The following NELL1 variants were observed in gnomAD, a reference collection of about 807,000 sequenced individuals.
NELL1 encodes neural EGFL like 1, also known as protein kinase C-binding protein NELL1.
Under a neutral mutation model 107.4 loss-of-function variants are expected in NELL1, and 76 were observed. The observed-to-expected ratio is 0.71, with a 90% CI of 0.59 to 0.86. The LOEUF (loss-of-function observed/expected upper bound fraction) is 0.86, where lower values mean the gene tolerates loss of function less well. Among genes scored for constraint, NELL1 ranks in the 40% least tolerant of loss-of-function variants. NELL1 has a pLI of 0.00. For missense variants in NELL1, 1,024 were observed against 1,005.5 expected (o/e 1.02, Z -0.25); for synonymous variants, 353 against 341.2 (o/e 1.03, Z -0.38).
At chr11:20,745,283 TAA>T (rs1310288076) in intron 2 of NELL1, among the ~76,000 whole-genome samples, 1 of 152,232 alleles carries the variant, frequency 6.6e-6, no homozygotes. Flanking sequence ...TTGAAAATTA[TAA>T]GTCTCACACA....
At chr11:21,456,458 ACTGT>A (rs1256859555) in intron 15 of NELL1, among the ~76,000 whole-genome samples, 1 of 151,910 alleles carries the variant, frequency 6.6e-6, no homozygotes, top group Non-Finnish European at 1.5e-5. Flanking sequence ...ACTATCATAC[ACTGT>A]CTGTTTTCTA....
intron 15 of NELL1, among the ~76,000 whole-genome samples, chr11:21,380,274 C>G (rs1428518241): frequency 6.6e-6 from 1 of 152,058 alleles, no homozygotes; most frequent in Admixed American, 6.6e-5. Context: ...TGAGGTTTCT[C>G]TGCATTGCCC....
At chr11:20,959,575 C>G (rs1234506128) in intron 11 of NELL1, among the ~76,000 whole-genome samples, 1 of 152,080 alleles carries the variant, frequency 6.6e-6, no homozygotes, top group Non-Finnish European at 1.5e-5. Context: ...GAATAGAAAA[C>G]CAACCCTCAT....
chr11:20,784,178 A>G (rs547642093), intron 3 of NELL1, among the ~76,000 whole-genome samples: 1 of 152,242 alleles, frequency 6.6e-6, no homozygotes, highest in Admixed American at 6.5e-5. Flanking sequence ...TATACTTGAC[A>G]CTGGGAATAT....
intron 2 of NELL1, among the ~76,000 whole-genome samples, chr11:20,739,130 C>T (rs892378271): frequency 1.3e-5 from 2 of 152,228 alleles, no homozygotes; most frequent in Admixed American, 1.3e-4. Context: ...CTGTGTTGGA[C>T]AGCACAGCTG....
intron 14 of NELL1, chr11:21,284,023 T>C: frequency 2.8e-6 from 1 of 361,424 alleles, no homozygotes. Flanking sequence ...GACATGTGTG[T>C]GTGCCTGTGG....
intron 2 of NELL1, among the ~76,000 whole-genome samples, chr11:20,686,049 C>T (rs936289861): frequency 6.6e-6 from 1 of 151,798 alleles, no homozygotes; most frequent in Admixed American, 6.6e-5. Context: ...TCAATGACTA[C>T]ATATGGGAAA....
intron 17 of NELL1, among the ~76,000 whole-genome samples, chr11:21,568,722 C>T (rs75938396): frequency 0.043 from 6,525 of 151,716 alleles, 442 homozygotes; most frequent in African/African-American, 0.15. Flanking sequence ...ATATCACTGT[C>T]TTTCACCTCC....
chr11:21,388,125 T>C (rs1851789281), intron 15 of NELL1, among the ~76,000 whole-genome samples: 1 of 151,606 alleles, frequency 6.6e-6, no homozygotes, highest in Non-Finnish European at 1.5e-5. Context: ...GCCTTCCTTC[T>C]ACAGAGGTGT....
Position 21,435,481 on chromosome 11 carries a change from CGTTTTTT to C in NELL1, c.1645+64555_1645+64561del, listed in dbSNP as rs1214984661. ...ACCATGAAGAGATGTTAGCTTTTAT[CGTTTTTT>C]GTTTTTTGTTTTTTGTTTTTTTTTA... On this transcript the variant is annotated intron_variant, in intron 15 of 19. Transcript: ENST00000357134. 2.2e-3 allele frequency among the ~76,000 whole-genome samples: 298 copies of C among 132,614 alleles called. 1 individual carries two copies. Among genetic ancestry groups the C allele is most frequent in the African/African-American group, 6.4e-3 (229 of 35,990 alleles). The allele number at this position is 132,614 out of a possible 152,430, so 87.0% of individuals were successfully genotyped here.
chr11:20,868,225 C>T (rs1849130515), intron 4 of NELL1, among the ~76,000 whole-genome samples: 1 of 152,150 alleles, frequency 6.6e-6, no homozygotes, highest in African/African-American at 2.4e-5. Flanking sequence ...GATTGAAACC[C>T]AGACCTCCAT....
rs552406821 is a variant in NELL1 at position 21,185,455 on chromosome 11, C to A, written c.1427-43877C>A. ...GATTACAGGTGCCCGCCACCACACC[C>A]GGCTAATTTTTGTATATTTAGTAGA... is the stretch of plus-strand genomic sequence containing the variant. On this transcript the variant is annotated intron_variant, in intron 13 of 19. Coordinates refer to ENST00000357134, the MANE Select transcript of NELL1 (RefSeq NM_006157.5). Among the ~76,000 whole-genome samples the A allele has an allele frequency of 2.6e-5, 4 of 151,592 alleles. No individual in the cohort carries two copies. The East Asian group carries it at 7.8e-4, about 29-fold the overall frequency.
chr11:20,891,548 A>G (rs1849616962), intron 5 of NELL1, among the ~76,000 whole-genome samples: 1 of 152,210 alleles, frequency 6.6e-6, no homozygotes, highest in Non-Finnish European at 1.5e-5. Context: ...AAGTGCCCCA[A>G]TTAAAAGACA....
intron 12 of NELL1, among the ~76,000 whole-genome samples, chr11:21,023,268 C>G (rs1852742486): frequency 6.6e-6 from 1 of 151,944 alleles, no homozygotes; most frequent in Non-Finnish European, 1.5e-5. Flanking sequence ...TCCTTTGAAC[C>G]TTAGTTTTCT....
intron 10 of NELL1, 21 bp downstream of exon 10, chr11:20,937,880 C>A (rs759951255): frequency 6.2e-7 from 1 of 1,609,042 alleles, no homozygotes; most frequent in Non-Finnish European, 8.5e-7. Context: ...ATTTTATGGT[C>A]CCTATCACTT....
intron 3 of NELL1, among the ~76,000 whole-genome samples, chr11:20,787,941 A>G (rs1030961530): frequency 1.1e-4 from 17 of 152,216 alleles, no homozygotes; most frequent in Admixed American, 1.0e-3. Flanking sequence ...GTTATTTCAT[A>G]TAAGTGAAAT....
At chr11:20,777,946 A>G (rs1856781144) in intron 2 of NELL1, among the ~76,000 whole-genome samples, 2 of 152,172 alleles carry the variant, frequency 1.3e-5, no homozygotes, top group South Asian at 2.1e-4. Flanking sequence ...CCCTTGGCCA[A>G]TCAGGGGCCT....
chr11:20,946,620 C>T (rs1003913210), intron 10 of NELL1, among the ~76,000 whole-genome samples: 2 of 152,184 alleles, frequency 1.3e-5, no homozygotes, highest in African/African-American at 4.8e-5. Flanking sequence ...CAGCTCTTTG[C>T]CAGGAAAGTC....
At chr11:20,900,271 G>A (rs561310198) in intron 5 of NELL1, among the ~76,000 whole-genome samples, 1 of 152,276 alleles carries the variant, frequency 6.6e-6, no homozygotes, top group African/African-American at 2.4e-5. Flanking sequence ...GAGCAGAAAT[G>A]TGCATGGCCT....
Sources: gnomAD v4.1 joint callset for allele counts (sites outside exome capture counted in the v4.1 genomes callset) on GRCh38, gnomAD v4.1.1 for gene constraint, MANE v1.5 for transcripts, NCBI Gene and HGNC (gene_info 2026-07-23, HGNC 2026-07-21) for gene names.